GALC: variants seen among roughly 807,000 people sequenced by gnomAD.
The protein encoded by GALC is galactosylceramidase, also known as galactocerebrosidase.
Under a neutral mutation model 91.8 loss-of-function variants are expected in GALC, and 77 were observed. That is an observed-to-expected ratio of 0.84 (90% CI 0.70 to 1.01). The LOEUF (loss-of-function observed/expected upper bound fraction) is 1.01, where lower values mean the gene tolerates loss of function less well. Ranked by LOEUF, GALC falls within the 50% of genes least tolerant of loss-of-function variation. The pLI, the probability that GALC is intolerant of heterozygous loss-of-function variation, is 0.00. For synonymous variants in GALC, 357 were observed against 306.7 expected (o/e 1.16, Z -1.71); for missense variants, 882 against 855.9 (o/e 1.03, Z -0.38).
intron 2 of GALC, 103 bp from the exon 3 acceptor site, chr14:87,988,310 A>G (rs1311675578): frequency 7.7e-7 from 1 of 1,305,396 alleles, no homozygotes; most frequent in Non-Finnish European, 1.1e-6. Context: ...AAACAAAAGC[A>G]AAACTTCAAA....
chr14:87,949,111 G>A (rs866054426), intron 12 of GALC, among the ~76,000 whole-genome samples: 5 of 151,122 alleles, frequency 3.3e-5, no homozygotes, highest in South Asian at 2.1e-4. Flanking sequence ...GTGAGGAAGC[G>A]TCAGAGGAAA....
At chr14:87,946,935 G>A (rs891234408) in intron 13 of GALC, among the ~76,000 whole-genome samples, 4 of 151,862 alleles carry the variant, frequency 2.6e-5, no homozygotes, top group Non-Finnish European at 4.4e-5. Context: ...CAGTGACTGG[G>A]AAAGGGTGAT....
intron 11 of GALC, among the ~76,000 whole-genome samples, chr14:87,950,458 C>T (rs1034892809): frequency 3.3e-5 from 5 of 151,586 alleles, no homozygotes; most frequent in Non-Finnish European, 5.9e-5. Flanking sequence ...CTCAAAGTCA[C>T]AGAGCATTTT....
At chr14:87,942,222 A>C (rs1884892033) in intron 14 of GALC, among the ~76,000 whole-genome samples, 1 of 151,974 alleles carries the variant, frequency 6.6e-6, no homozygotes, top group Admixed American at 6.6e-5. Context: ...AGCCCCTTGA[A>C]TGTGCATGTC....
At chr14:87,959,012 T>C (rs1037042165) in intron 10 of GALC, among the ~76,000 whole-genome samples, 6 of 152,196 alleles carry the variant, frequency 3.9e-5, no homozygotes, top group Non-Finnish European at 7.4e-5. Context: ...ACTGAAAAGC[T>C]TTTGCACAGC....
intron 14 of GALC, among the ~76,000 whole-genome samples, chr14:87,944,264 G>A (rs1009660122): frequency 9.2e-5 from 14 of 151,912 alleles, no homozygotes; most frequent in African/African-American, 3.4e-4. Context: ...TCTTTTTGGA[G>A]TCCCAGCCAG....
At position 87,982,188 on chromosome 14, in the gene GALC, A is replaced by T. The variant is rs374034851; in HGVS notation, c.621+17T>A. ...ACTAAAAAGTTAAAAACAAAAAGAT[A>T]CTAAAGTTGTACACACCTTAATATA... is the stretch of plus-strand genomic sequence containing the variant. On this transcript the variant is annotated intron_variant, in intron 6 of 16. Coordinates refer to ENST00000261304, the MANE Select transcript of GALC (RefSeq NM_000153.4). The T allele has an allele frequency of 3.5e-6, 5 of 1,419,570 alleles. No individual in the cohort carries two copies. The highest frequency in any genetic ancestry group is 4.9e-6 in the Non-Finnish European group (5 of 1,010,684). 87.9% of individuals were successfully genotyped at this position (1,419,570 alleles called of 1,614,324 possible). A position where few individuals can be genotyped will look rare whatever the true frequency, so the allele number is the denominator to read the frequency against.
At position 87,934,194 on chromosome 14, in the gene GALC, A is replaced by G; in HGVS notation, c.*538T>C. 7.2e-7 allele frequency: 1 copy of G among 1,395,850 alleles called. No homozygotes were observed. Among genetic ancestry groups the G allele is most frequent in the South Asian group, 1.7e-5 (1 of 58,484 alleles). 86.5% of individuals were successfully genotyped at this position (1,395,850 alleles called of 1,614,324 possible). A position where few individuals can be genotyped will look rare whatever the true frequency, so the allele number is the denominator to read the frequency against. On this transcript the variant is annotated 3_prime_UTR_variant, in exon 17 of 17. Transcript: ENST00000261304. The stretch of plus-strand genomic sequence containing the variant: ...TCCTGCATTTCAAAAGTATCATCTT[A>G]AAAAGGAAAATAAAAAAATACTTTT...
chr14:87,989,331 T>C (rs1345540908), intron 1 of GALC, among the ~76,000 whole-genome samples: 1 of 152,182 alleles, frequency 6.6e-6, no homozygotes, highest in Non-Finnish European at 1.5e-5. Context: ...AACTTTCTAT[T>C]TTATATTCTC....
intron 7 of GALC, among the ~76,000 whole-genome samples, chr14:87,969,879 C>G (rs1054813094): frequency 6.6e-6 from 1 of 151,914 alleles, no homozygotes; most frequent in South Asian, 2.1e-4. Context: ...TACTGGAGAA[C>G]ATAAAAAGAA....
rs1208196368 is a variant in GALC, at chr14:87,965,478, GGAGT to G, written c.1033+23_1033+26del. ...CTTTGTCTCTTAGAGAAGAATTTAG[GGAGT>G]GAGAGATGGAACTGAACCATACCTG... On this transcript the variant is annotated intron_variant, in intron 9 of 16. Transcript: ENST00000261304. 1.9e-6 allele frequency: 3 copies of G among 1,611,432 alleles called. No homozygotes were observed. The African/African-American group carries it at 4.0e-5, about 22-fold the overall frequency.
chr14:87,934,976 T>G, intron 16 of GALC, 98 bp from the exon 17 acceptor site: 2 of 843,096 alleles, frequency 2.4e-6, no homozygotes, highest in Non-Finnish European at 4.0e-6. Context: ...GTGGAGCAAA[T>G]GTACTACTCA....
At chr14:87,968,800 C>T (rs1886162403) in intron 7 of GALC, among the ~76,000 whole-genome samples, 1 of 151,978 alleles carries the variant, frequency 6.6e-6, no homozygotes, top group South Asian at 2.1e-4. Context: ...TGGATGGAAG[C>T]ATGTTGAAGG....
At chr14:87,982,153 GGAATTATTCACTAAAAA>G in intron 6 of GALC, 35 bp downstream of exon 6, 1 of 969,836 alleles carries the variant, frequency 1.0e-6, no homozygotes, top group Admixed American at 1.8e-5. Context: ...GGAACCATAA[GGAATTATTCACTAAAAA>G]GTTAAAAACA....
At position 87,979,003 on chromosome 14, in the gene GALC, G is replaced by A. The variant is rs530940494; in HGVS notation, c.622-2515C>T. 5.3e-5 allele frequency among the ~76,000 whole-genome samples: 8 copies of A among 151,780 alleles called. No individual in the cohort carries two copies. The South Asian group carries it at 6.2e-4, about 12-fold the overall frequency. ...TTATCCAATCTGAGCACCTACATTC[G>A]TCATTATTGAACTCTTTGTGATAGG... On this transcript the variant is annotated intron_variant, in intron 6 of 16. Transcript: ENST00000261304.
At chr14:87,992,368 G>A in intron 1 of GALC, 1 of 1,535,706 alleles carries the variant, frequency 6.5e-7, no homozygotes, top group Non-Finnish European at 8.7e-7. Flanking sequence ...CAGGCCGCTC[G>A]CTTATCTTCC....
intron 7 of GALC, among the ~76,000 whole-genome samples, chr14:87,971,199 T>TC (rs1263347056): frequency 3.9e-5 from 6 of 151,930 alleles, no homozygotes; most frequent in Non-Finnish European, 7.4e-5. Context: ...ACAGGGACTC[T>TC]CCCCAGGAGC....
rs945208326 is a variant in GALC at position 87,933,891 on chromosome 14, T to C, written c.*841A>G. ...GAAAAGCATTCATCAGCTGTGTGAG[T>C]CTGTTACCAGTGCACATGTGAGGAC... On this transcript the variant is annotated 3_prime_UTR_variant, in exon 17 of 17. Coordinates refer to ENST00000261304, the MANE Select transcript of GALC (RefSeq NM_000153.4). 4 of 1,086,686 alleles carry C rather than the reference T, an allele frequency of 3.7e-6. No individual in the cohort carries two copies. Among genetic ancestry groups the C allele is most frequent in the Non-Finnish European group, 5.4e-6 (4 of 739,658 alleles). 67.3% of individuals were successfully genotyped at this position (1,086,686 alleles called of 1,614,324 possible). A position where few individuals can be genotyped will look rare whatever the true frequency, so the allele number is the denominator to read the frequency against.
chr14:87,937,927 TAA>T (rs35520077), intron 16 of GALC, among the ~76,000 whole-genome samples: 277 of 148,152 alleles, frequency 1.9e-3, no homozygotes, highest in African/African-American at 6.3e-3. Context: ...ACATTATTGT[TAA>T]AAAAAAAAAA....
Sources: allele counts gnomAD v4.1 joint callset (sites outside exome capture counted in the v4.1 genomes callset), GRCh38; gene constraint gnomAD v4.1.1; transcripts MANE v1.5; gene names NCBI Gene and HGNC (gene_info 2026-07-23, HGNC 2026-07-21).